Variants in DSCAML1 observed in about 807,000 individuals in gnomAD.
DSCAML1 encodes DS cell adhesion molecule like 1, also known as cell adhesion molecule DSCAML1.
DSCAML1 carries 38 observed loss-of-function variants against 200.5 expected under a neutral mutation model. The observed-to-expected ratio is 0.19, with a 90% confidence interval of 0.15 to 0.25. The LOEUF (loss-of-function observed/expected upper bound fraction) is 0.25, where lower values mean the gene tolerates loss of function less well. Among genes scored for constraint, DSCAML1 ranks in the 10% least tolerant of loss-of-function variants. The pLI, the probability that DSCAML1 is intolerant of heterozygous loss-of-function variation, is 1.00. For missense variants in DSCAML1, 2,223 were observed against 2,858.8 expected (o/e 0.78, Z 5.07); for synonymous variants, 1,215 against 1,165.0 (o/e 1.04, Z -0.87).
At chr11:117,612,135 A>G (rs1320859784) in intron 3 of DSCAML1, 1 of 152,086 alleles carries the variant, frequency 6.6e-6, no homozygotes, top group Admixed American at 6.5e-5. Flanking sequence ...TGTTCAATAA[A>G]CTCTGAATAA....
intron 3 of DSCAML1, among the ~76,000 whole-genome samples, chr11:117,712,398 C>T (rs1413718657): frequency 6.6e-6 from 1 of 152,068 alleles, no homozygotes. Flanking sequence ...CAAGCTCCTG[C>T]TATTCATTAA....
intron 3 of DSCAML1, among the ~76,000 whole-genome samples, chr11:117,735,601 C>T (rs2054303049): frequency 1.3e-5 from 2 of 152,190 alleles, no homozygotes; most frequent in African/African-American, 4.8e-5. Flanking sequence ...GAGAGGGAAA[C>T]CCAGAATATC....
At chr11:117,661,457 GGT>G (rs2052848674) in intron 3 of DSCAML1, among the ~76,000 whole-genome samples, 1 of 152,178 alleles carries the variant, frequency 6.6e-6, no homozygotes, top group African/African-American at 2.4e-5. Context: ...TGTAACTTTT[GGT>G]GATTGTCTAA....
chr11:117,578,281 G>GCTT (rs895258731), intron 3 of DSCAML1, among the ~76,000 whole-genome samples: 4 of 147,784 alleles, frequency 2.7e-5, no homozygotes, highest in African/African-American at 1.0e-4. Context: ...ACTTCTCTTG[G>GCTT]CTTCCATGAC....
At chr11:117,648,070 C>T (rs2052553274) in intron 3 of DSCAML1, among the ~76,000 whole-genome samples, 1 of 152,346 alleles carries the variant, frequency 6.6e-6, no homozygotes, top group African/African-American at 2.4e-5. Context: ...TCTGCCCAGC[C>T]ACACCCACAA....
At chr11:117,743,733 C>A (rs1309155299) in intron 3 of DSCAML1, among the ~76,000 whole-genome samples, 1 of 152,228 alleles carries the variant, frequency 6.6e-6, no homozygotes, top group Non-Finnish European at 1.5e-5. Context: ...GGGAGCCAGA[C>A]AAACACCTTG....
At position 117,736,475 on chromosome 11, in the gene DSCAML1, A is replaced by G. The variant is rs144283491; in HGVS notation, c.511+40316T>C. Reference sequence around the variant, plus strand: ...ACCTCCATCACATGCTACTGGTCACACAAACCAACCCTGGTGCAAAATGAG... The same window carrying G: ...ACCTCCATCACATGCTACTGGTCACGCAAACCAACCCTGGTGCAAAATGAG... On this transcript the variant is annotated intron_variant, in intron 3 of 32. Transcript: ENST00000651296. Among the ~76,000 whole-genome samples the G allele has an allele frequency of 4.9e-4, 75 of 152,346 alleles. No homozygotes were observed. The East Asian group carries it at 0.014, about 29-fold the overall frequency.
In DSCAML1 at chr11:117,484,297, G is replaced by A. The variant is rs534956055; in HGVS notation, c.2360-2135C>T. ...GGGTGAGGAGGCGTCTGGGACAGGA[G>A]TAGGGTGGATGAAGGGAGGTTTCAG... On this transcript the variant is annotated intron_variant, in intron 11 of 32. Transcript: ENST00000651296. Among the ~76,000 whole-genome samples, 18 of 152,310 alleles carry A rather than the reference G, an allele frequency of 1.2e-4. No homozygotes were observed. In the South Asian group the frequency reaches 3.3e-3, roughly 28 times the overall value.
intron 3 of DSCAML1, among the ~76,000 whole-genome samples, chr11:117,612,503 CA>C (rs1206112781): frequency 6.6e-6 from 1 of 152,084 alleles, no homozygotes; most frequent in Admixed American, 6.5e-5. Context: ...GTTGCAGATA[CA>C]AAGGTAGTTT....
At position 117,769,378 on chromosome 11, in the gene DSCAML1, T is replaced by TTA. The variant is rs1472600744; in HGVS notation, c.511+7411_511+7412dup. Among the ~76,000 whole-genome samples, 2 of 12,296 alleles carry TTA rather than the reference T, an allele frequency of 1.6e-4. 1 individual carries two copies. The highest frequency in any genetic ancestry group is 3.6e-4 in the Non-Finnish European group (2 of 5,486). 8.1% of individuals were successfully genotyped at this position (12,296 alleles called of 152,430 possible). On this transcript the variant is annotated intron_variant, in intron 3 of 32. Coordinates refer to ENST00000651296, the MANE Select transcript of DSCAML1 (RefSeq NM_020693.4). ...TTATATATTTTATATAATATATATT[T>TTA]TATATATTATATATATTTTTATATA...
intron 1 of DSCAML1, among the ~76,000 whole-genome samples, chr11:117,811,058 G>T (rs2055756904): frequency 2.7e-5 from 4 of 147,526 alleles, no homozygotes; most frequent in African/African-American, 8.1e-5. Context: ...CACCCGGTCT[G>T]ACTTACAGTT....
At chr11:117,773,501 G>A (rs1229384451) in intron 3 of DSCAML1, among the ~76,000 whole-genome samples, 1 of 148,636 alleles carries the variant, frequency 6.7e-6, no homozygotes, top group African/African-American at 2.5e-5. Flanking sequence ...ACCATGAGAA[G>A]TGCCATCCAG....
intron 1 of DSCAML1, among the ~76,000 whole-genome samples, chr11:117,816,195 A>G (rs2055804728): frequency 6.6e-6 from 1 of 152,196 alleles, no homozygotes; most frequent in Non-Finnish European, 1.5e-5. Context: ...GGGGGCACTG[A>G]GTCTGGGCCC....
chr11:117,577,507 CTCCT>C (rs766326528), intron 3 of DSCAML1, among the ~76,000 whole-genome samples: 369 of 32,374 alleles, frequency 0.011, 2 homozygotes, highest in Non-Finnish European at 0.018. Flanking sequence ...CCTTCCTTCC[CTCCT>C]TCCTTCCTTC....
intron 4 of DSCAML1, among the ~76,000 whole-genome samples, chr11:117,531,722 A>G (rs1247122195): frequency 6.6e-6 from 1 of 151,822 alleles, no homozygotes; most frequent in African/African-American, 2.4e-5. Context: ...TGTCTCTACT[A>G]AAAAAACACA....
chr11:117,528,113 A>G (rs1055232461), intron 4 of DSCAML1, among the ~76,000 whole-genome samples: 8 of 152,174 alleles, frequency 5.3e-5, no homozygotes, highest in African/African-American at 1.9e-4. Flanking sequence ...GCGTGGGACA[A>G]TTACTATCTA....
At chr11:117,661,418 T>C (rs1444321601) in intron 3 of DSCAML1, among the ~76,000 whole-genome samples, 1 of 152,252 alleles carries the variant, frequency 6.6e-6, no homozygotes, top group Non-Finnish European at 1.5e-5. Flanking sequence ...GTACCGTTAC[T>C]GGCTGGGTTT....
intron 21 of DSCAML1, 63 bp downstream of exon 21, chr11:117,443,823 C>A: frequency 6.6e-7 from 1 of 1,519,040 alleles, no homozygotes; most frequent in Non-Finnish European, 8.8e-7. Context: ...TGGGGAGAAC[C>A]AGGATTCTGT....
intron 26 of DSCAML1, 82 bp from the exon 27 acceptor site, chr11:117,435,881 C>G: frequency 6.8e-7 from 1 of 1,462,818 alleles, no homozygotes; most frequent in African/African-American, 1.4e-5. Flanking sequence ...GGGCAGTCCT[C>G]TGACCTCTCT....
Sources: allele counts gnomAD v4.1 joint callset (sites outside exome capture counted in the v4.1 genomes callset), GRCh38; gene constraint gnomAD v4.1.1; transcripts MANE v1.5; gene names NCBI Gene and HGNC (gene_info 2026-07-23, HGNC 2026-07-21).